MGMT: variants seen among roughly 807,000 people sequenced by gnomAD.
MGMT encodes the protein methylated-DNA--protein-cysteine methyltransferase.
Under a neutral mutation model 15.9 loss-of-function variants are expected in MGMT, and 14 were observed. The ratio of observed to expected loss-of-function variants is 0.88; its 90% CI spans 0.58 to 1.37. The LOEUF is 1.37. Ranked by LOEUF, MGMT falls within the 40% of genes most tolerant of loss-of-function variation. The pLI is 0.00. For missense variants in MGMT, 282 were observed against 268.1 expected (o/e 1.05, Z -0.36); for synonymous variants, 130 against 118.2 (o/e 1.10, Z -0.65).
chr10:129,693,364 A>C (rs1024380979), intron 2 of MGMT, among the ~76,000 whole-genome samples: 3 of 152,162 alleles, frequency 2.0e-5, no homozygotes, highest in African/African-American at 7.2e-5. Flanking sequence ...CCCTTTTTCA[A>C]GTTTCTCAAA....
At chr10:129,580,901 A>G (rs1442368250) in intron 2 of MGMT, among the ~76,000 whole-genome samples, 1 of 152,176 alleles carries the variant, frequency 6.6e-6, no homozygotes, top group Admixed American at 6.5e-5. Context: ...CATTTCTGGG[A>G]ACCATGGTTG....
chr10:129,520,880 A>AGAGCCCCTACG (rs1845800378), intron 1 of MGMT, among the ~76,000 whole-genome samples: 6 of 132,368 alleles, frequency 4.5e-5, no homozygotes, highest in African/African-American at 1.4e-4. Flanking sequence ...GAGCCCCTAC[A>AGAGCCCCTACG]GTGCGGGTGC....
intron 1 of MGMT, among the ~76,000 whole-genome samples, chr10:129,499,654 G>A (rs868542475): frequency 6.6e-6 from 1 of 152,022 alleles, no homozygotes; most frequent in Non-Finnish European, 1.5e-5. Flanking sequence ...AAATTCATTC[G>A]ATGAACCTAA....
chr10:129,730,979 A>G (rs1312752723), intron 3 of MGMT, among the ~76,000 whole-genome samples: 1 of 152,176 alleles, frequency 6.6e-6, no homozygotes, highest in Admixed American at 6.5e-5. Context: ...GTGAGTATAA[A>G]TACGCCTCTG....
At chr10:129,554,349 C>T (rs1197769622) in intron 2 of MGMT, among the ~76,000 whole-genome samples, 3 of 151,934 alleles carry the variant, frequency 2.0e-5, no homozygotes, top group African/African-American at 7.3e-5. Context: ...TTGTTTTCAT[C>T]GACATATTTA....
chr10:129,660,273 A>T (rs1847580971), intron 2 of MGMT, among the ~76,000 whole-genome samples: 1 of 151,872 alleles, frequency 6.6e-6, no homozygotes, highest in African/African-American at 2.4e-5. Context: ...CCTTTTTGAT[A>T]GCATGGGGTG....
Position 129,532,177 on chromosome 10 carries a change from G to A in MGMT, c.-12-4064G>A, listed in dbSNP as rs952900898. On this transcript the variant is annotated intron_variant, in intron 1 of 4. Transcript: ENST00000651593. The surrounding 1 kb of genome is among the most constrained non-coding windows in gnomAD (Gnocchi z 5.3). ...CTTGAGGCCAGCCTGCCCTTTGGATGAGAGGCCCATGCCATGATGCTGGTC... is the reference window on the plus strand; with the variant it reads ...CTTGAGGCCAGCCTGCCCTTTGGATAAGAGGCCCATGCCATGATGCTGGTC... 2.0e-5 allele frequency among the ~76,000 whole-genome samples: 3 copies of A among 152,216 alleles called. No homozygotes were observed. The highest frequency in any genetic ancestry group is 7.2e-5 in the African/African-American group (3 of 41,458).
rs536260789 is a variant in MGMT at position 129,659,484 on chromosome 10, G to C, written c.126-48411G>C. Among the ~76,000 whole-genome samples, 352 of 152,288 alleles carry C rather than the reference G, an allele frequency of 2.3e-3. 1 individual carries two copies. Among genetic ancestry groups the C allele is most frequent in the African/African-American group, 8.1e-3 (335 of 41,562 alleles). ...CGTAAGGGAGTTAGCTTCATGGCAAGCTCTCTGGAGAACACAGGCCATTGT... is the reference window on the plus strand; with the variant it reads ...CGTAAGGGAGTTAGCTTCATGGCAACCTCTCTGGAGAACACAGGCCATTGT... On this transcript the variant is annotated intron_variant, in intron 2 of 4. Transcript: ENST00000651593. The surrounding 1 kb of genome is among the most constrained non-coding windows in gnomAD (Gnocchi z 4.1).
intron 1 of MGMT, among the ~76,000 whole-genome samples, chr10:129,476,713 G>T (rs372434090): frequency 6.6e-6 from 1 of 152,160 alleles, no homozygotes; most frequent in Admixed American, 6.5e-5. Flanking sequence ...GGGGCTGCAG[G>T]GCTTGGCTGG....
chr10:129,698,034 T>C (rs1194805814), intron 2 of MGMT, among the ~76,000 whole-genome samples: 1 of 152,202 alleles, frequency 6.6e-6, no homozygotes, highest in Non-Finnish European at 1.5e-5. Flanking sequence ...GGACGTTGAC[T>C]CTCCATGTCT....
chr10:129,652,019 A>G (rs1589916119), intron 2 of MGMT, among the ~76,000 whole-genome samples: 1 of 152,322 alleles, frequency 6.6e-6, no homozygotes, highest in South Asian at 2.1e-4. Flanking sequence ...TTGGGCCTGC[A>G]CACTGAGTGC....
chr10:129,666,237 A>G (rs1296287758), intron 2 of MGMT, among the ~76,000 whole-genome samples: 1 of 152,186 alleles, frequency 6.6e-6, no homozygotes. Context: ...GTTCTAGATC[A>G]TATATCTTTT....
rs1276164423 is a variant in MGMT, at chr10:129,667,119, G to A, written c.126-40776G>A. Among the ~76,000 whole-genome samples, 6 of 152,114 alleles carry A rather than the reference G, an allele frequency of 3.9e-5. 1 individual carries two copies. Among genetic ancestry groups the A allele is most frequent in the East Asian group, 3.9e-4 (2 of 5,192 alleles). ...AAAGATAATACACACAGAGAGAAGC[G>A]CCTGCAGTGAATCTTTGTGTAACCA... On this transcript the variant is annotated intron_variant, in intron 2 of 4. Coordinates refer to ENST00000651593, the MANE Select transcript of MGMT (RefSeq NM_002412.5).
intron 3 of MGMT, among the ~76,000 whole-genome samples, chr10:129,733,558 G>C (rs1848526711): frequency 6.6e-6 from 1 of 151,410 alleles, no homozygotes; most frequent in Admixed American, 6.6e-5. Context: ...AAGCTCTTTA[G>C]TTTAATTAGA....
At chr10:129,487,574 A>G (rs1845421351) in intron 1 of MGMT, among the ~76,000 whole-genome samples, 1 of 151,168 alleles carries the variant, frequency 6.6e-6, no homozygotes, top group East Asian at 2.0e-4. Context: ...CCGGAAGGGA[A>G]TCAAAAAATT....
chr10:129,761,732 G>A (rs1247158587), intron 4 of MGMT, among the ~76,000 whole-genome samples: 1 of 152,170 alleles, frequency 6.6e-6, no homozygotes, highest in Admixed American at 6.5e-5. Context: ...CAGGCAGGAG[G>A]GTTCTACAGG....
intron 2 of MGMT, among the ~76,000 whole-genome samples, chr10:129,629,751 C>G (rs1847189773): frequency 6.6e-6 from 1 of 152,190 alleles, no homozygotes; most frequent in Admixed American, 6.5e-5. Context: ...GATGTTTCCC[C>G]ATCCATCAAA....
intron 2 of MGMT, among the ~76,000 whole-genome samples, chr10:129,662,660 C>T (rs1479028864): frequency 6.6e-6 from 1 of 151,994 alleles, no homozygotes; most frequent in Non-Finnish European, 1.5e-5. Context: ...GTAAGGCAGC[C>T]CGTAGCTCAG....
chr10:129,531,120 G>T (rs1845926532), intron 1 of MGMT, among the ~76,000 whole-genome samples: 1 of 152,124 alleles, frequency 6.6e-6, no homozygotes, highest in South Asian at 2.1e-4. Flanking sequence ...CTGGGGCTGT[G>T]GGTCTGGCCT....
Sources: gnomAD v4.1 joint callset for allele counts (sites outside exome capture counted in the v4.1 genomes callset) on GRCh38, gnomAD v4.1.1 for gene constraint, Gnocchi (gnomAD v3.1) non-coding constraint, MANE v1.5 for transcripts, NCBI Gene and HGNC (gene_info 2026-07-23, HGNC 2026-07-21) for gene names.